PCCB: variants seen among roughly 807,000 people sequenced by gnomAD.
PCCB encodes the protein propionyl-CoA carboxylase subunit beta, also known as propionyl-CoA carboxylase beta chain, mitochondrial.
PCCB carries 43 observed loss-of-function variants against 60.7 expected under a neutral mutation model. The ratio of observed to expected loss-of-function variants is 0.71; its 90% CI spans 0.55 to 0.91. The LOEUF is 0.91. Among genes scored for constraint, PCCB ranks in the 40% least tolerant of loss-of-function variants. PCCB has a pLI of 0.00. For synonymous variants in PCCB, 276 were observed against 255.9 expected, an observed-to-expected ratio of 1.08 and a Z score of -0.75; for missense variants, 766 against 702.8, an observed-to-expected ratio of 1.09 and a Z score of -1.02.
chr3:136,326,143 A>G (rs1487901552), intron 10 of PCCB, among the ~76,000 whole-genome samples: 1 of 152,072 alleles, frequency 6.6e-6, no homozygotes, highest in African/African-American at 2.4e-5. Context: ...TGGACTTGAT[A>G]ATGTGCCTTA....
rs1210194365 is a variant in PCCB, at chr3:136,319,725, G to A, written c.1090+2661G>A. The stretch of plus-strand genomic sequence containing the variant: ...AAAGTTTTTAGTTTTGATTAAATCT[G>A]ATTTCTGTATTTTTTCTTCTGTTGC... On this transcript the variant is annotated intron_variant, in intron 10 of 14. Coordinates refer to ENST00000251654, the MANE Select transcript of PCCB (RefSeq NM_000532.5). Among the ~76,000 whole-genome samples the A allele has an allele frequency of 2.0e-5, 3 of 152,222 alleles. No homozygotes were observed. The East Asian group carries it at 5.8e-4, about 29-fold the overall frequency.
intron 6 of PCCB, among the ~76,000 whole-genome samples, chr3:136,285,164 C>G (rs1004199748): frequency 2.6e-5 from 4 of 151,306 alleles, no homozygotes; most frequent in African/African-American, 7.3e-5. Context: ...CTGAACTTTG[C>G]TTACTAAGTC....
intron 6 of PCCB, among the ~76,000 whole-genome samples, chr3:136,291,550 T>C (rs934066304): frequency 6.6e-6 from 1 of 151,056 alleles, no homozygotes; most frequent in Non-Finnish European, 1.5e-5. Context: ...CTCTGAACTA[T>C]GAATGTCATG....
chr3:136,311,339 CA>C (rs1448908796), intron 9 of PCCB, among the ~76,000 whole-genome samples: 2 of 152,034 alleles, frequency 1.3e-5, no homozygotes, highest in Non-Finnish European at 2.9e-5. Flanking sequence ...CAGGAATGTA[CA>C]GAAGCTGTTT....
At chr3:136,253,972 G>C (rs1941596034) in intron 1 of PCCB, among the ~76,000 whole-genome samples, 1 of 151,948 alleles carries the variant, frequency 6.6e-6, no homozygotes, top group Non-Finnish European at 1.5e-5. Flanking sequence ...TTAAAAATCT[G>C]TATATATGTT....
rs1409085315 is a variant in PCCB at position 136,298,016 on chromosome 3, CT to C, written c.829del (p.Tyr277ThrfsTer4). ...TGTGTAATCTCCGGGATTTCTTCAA[CT>C]ACCTGCCCCTGAGCAGTCAGGACCC... ...ALCNLRDFFN[Y>X]LPLSSQDPAP... is the part of the protein sequence containing the mutation. On this transcript the variant is annotated frameshift_variant, in exon 8 of 15. Coordinates refer to ENST00000251654, the MANE Select transcript of PCCB (RefSeq NM_000532.5). LOFTEE classifies it high-confidence loss of function. 6.2e-7 allele frequency: 1 copy of C among 1,614,164 alleles called. No homozygotes were observed. The highest frequency in any genetic ancestry group is 1.1e-5 in the South Asian group (1 of 91,088).
Position 136,302,269 on chromosome 3 carries a change from T to G in PCCB, c.966+1158T>G. On this transcript the variant is annotated intron_variant, in intron 9 of 14. Coordinates refer to ENST00000251654, the MANE Select transcript of PCCB (RefSeq NM_000532.5). ...GGGTAGCTGCTACTATGCTAAGAGC[T>G]GAAATTAACTCCAATTTTCAGTCCA... 1.6e-5 allele frequency among the ~76,000 whole-genome samples: 2 copies of G among 123,554 alleles called. 1 individual carries two copies. Among genetic ancestry groups the G allele is most frequent in the Admixed American group, 1.9e-4 (2 of 10,516 alleles). The allele number at this position is 123,554 out of a possible 152,430, so 81.1% of individuals were successfully genotyped here. A position where few individuals can be genotyped will look rare whatever the true frequency, so the allele number is the denominator to read the frequency against.
chr3:136,304,388 TTA>T (rs1227252973), intron 9 of PCCB, among the ~76,000 whole-genome samples: 1 of 117,570 alleles, frequency 8.5e-6, no homozygotes. Context: ...AATTATTTAT[TTA>T]TTTTTTTTTG....
intron 5 of PCCB, among the ~76,000 whole-genome samples, chr3:136,270,536 T>G (rs1322050997): frequency 6.6e-6 from 1 of 152,124 alleles, no homozygotes; most frequent in East Asian, 1.9e-4. Context: ...GGCAGAGTCT[T>G]GCTCTGTTTC....
chr3:136,274,783 A>G (rs1032868524), intron 5 of PCCB, among the ~76,000 whole-genome samples: 1 of 151,156 alleles, frequency 6.6e-6, no homozygotes, highest in African/African-American at 2.4e-5. Flanking sequence ...GTTGTTTTAC[A>G]TAATCCCATA....
rs766549877 is a variant in PCCB, at chr3:136,329,919, A to G, written c.1513A>G (p.Ile505Val). 5 of 1,614,040 alleles carry G rather than the reference A, an allele frequency of 3.1e-6. No individual in the cohort carries two copies. Among genetic ancestry groups the G allele is most frequent in the Non-Finnish European group, 8.5e-7 (1 of 1,179,996 alleles). ...TGCTTCACCAGGGTTTGTGGATGAC[A>G]TCATCCAACCTTCTTCCACACGTGC... ...PAAVRGFVDD[I>V]IQPSSTRARI... The change falls in exon 15 of 15, where the codon ATC becomes GTC. Residue 505 changes from isoleucine to valine, a missense_variant. Ile to Val is a conservative substitution (Grantham distance 29, BLOSUM62 3). Transcript: ENST00000251654.
At chr3:136,309,801 C>CAA (rs202216438) in intron 9 of PCCB, among the ~76,000 whole-genome samples, 1 of 128,374 alleles carries the variant, frequency 7.8e-6, no homozygotes, top group Non-Finnish European at 1.7e-5. Context: ...GACCCTGTCT[C>CAA]AAAAAAAAAA....
chr3:136,254,628 GT>G (rs1941616970), intron 1 of PCCB, among the ~76,000 whole-genome samples: 2 of 143,420 alleles, frequency 1.4e-5, no homozygotes, highest in Admixed American at 1.5e-4. Flanking sequence ...CGCTTCCCAG[GT>G]TCAAGTGATT....
chr3:136,278,106 C>G (rs1942380882), intron 5 of PCCB, among the ~76,000 whole-genome samples: 1 of 152,186 alleles, frequency 6.6e-6, no homozygotes, highest in Non-Finnish European at 1.5e-5. Context: ...TTACCTTGGT[C>G]TGCACTGGAG....
In PCCB at chr3:136,326,860, C is replaced by T. The variant is rs1271818429; in HGVS notation, c.1148C>T (p.Ala383Val). The T allele has an allele frequency of 3.1e-6, 5 of 1,613,200 alleles. No individual in the cohort carries two copies. In the East Asian group the frequency reaches 8.9e-5, roughly 29 times the overall value. The part of the protein sequence containing the change: ...KGARFVRFCD[A>V]FNIPLITFVD... ...GCTCGTTTTGTCAGATTCTGTGATGCATTCAATATTCCACTCATCACTTTT... is the reference window on the plus strand; with the variant it reads ...GCTCGTTTTGTCAGATTCTGTGATGTATTCAATATTCCACTCATCACTTTT... Residue 383 changes from alanine to valine, a missense_variant, in exon 11 of 15, where the codon GCA becomes GTA. Ala to Val is a moderately conservative substitution (Grantham distance 64). Coordinates refer to ENST00000251654, the MANE Select transcript of PCCB (RefSeq NM_000532.5).
At position 136,326,839 on chromosome 3, in the gene PCCB, G is replaced by A. The variant is rs142982097; in HGVS notation, c.1127G>A (p.Arg376His). 1.6e-5 allele frequency: 25 copies of A among 1,612,720 alleles called. No homozygotes were observed. In the African/African-American group the frequency reaches 1.6e-4, roughly 10 times the overall value. The change falls in exon 11 of 15, where the codon CGT becomes CAT. Residue 376 changes from arginine (R) to histidine (H), a missense_variant. By Grantham distance (29) the Arg-to-His change is conservative. Coordinates refer to ENST00000251654, the MANE Select transcript of PCCB (RefSeq NM_000532.5). ...ATTAATTCATCTGTGAAAGGGGCTC[G>A]TTTTGTCAGATTCTGTGATGCATTC... ...LDINSSVKGA[R>H]FVRFCDAFNI...
At chr3:136,308,680 T>C (rs571349018) in intron 9 of PCCB, among the ~76,000 whole-genome samples, 1 of 152,332 alleles carries the variant, frequency 6.6e-6, no homozygotes, top group East Asian at 1.9e-4. Context: ...AAGTTGATCA[T>C]ATGTATTAGA....
chr3:136,294,909 T>C (rs889619240), intron 7 of PCCB, among the ~76,000 whole-genome samples: 2 of 152,236 alleles, frequency 1.3e-5, no homozygotes, highest in African/African-American at 4.8e-5. Context: ...TGAGCCACCA[T>C]GTCCGGCTAG....
rs527773240 is a variant in PCCB at position 136,300,103 on chromosome 3, T to C, written c.885-927T>C. ...ATATACGCATATCTACACATATACATACATGCATATCTACACGTGTATATA... is the reference window on the plus strand; with the variant it reads ...ATATACGCATATCTACACATATACACACATGCATATCTACACGTGTATATA... On this transcript the variant is annotated intron_variant, in intron 8 of 14. Transcript: ENST00000251654. Among the ~76,000 whole-genome samples the C allele has an allele frequency of 2.6e-5, 4 of 151,994 alleles. No homozygotes were observed. The South Asian group carries it at 8.3e-4, about 32-fold the overall frequency.
Sources: gnomAD v4.1 joint callset for allele counts (sites outside exome capture counted in the v4.1 genomes callset) on GRCh38, gnomAD v4.1.1 for gene constraint, MANE v1.5 for transcripts, NCBI Gene and HGNC (gene_info 2026-07-23, HGNC 2026-07-21) for gene names.